Variants in ZNF236 observed in about 807,000 individuals in gnomAD.
ZNF236 encodes zinc finger protein 236.
A neutral mutation model predicts 191.2 loss-of-function variants in ZNF236; 50 were observed. That is an observed-to-expected ratio of 0.26 (90% confidence interval 0.21 to 0.33). The LOEUF is 0.33. ZNF236 is among the 10% of genes least tolerant of loss of function. The probability of loss-of-function intolerance (pLI) is 1.00; values close to 1 mark genes in which losing one functional copy is unlikely to be tolerated. For synonymous variants in ZNF236, 907 were observed against 928.8 expected (o/e 0.98, Z 0.43); for missense variants, 1,754 against 2,374.5 (o/e 0.74, Z 5.43).
chr18:76,851,151 A>C (rs1047171617), intron 2 of ZNF236, among the ~76,000 whole-genome samples: 1 of 143,328 alleles, frequency 7.0e-6, no homozygotes, highest in African/African-American at 2.5e-5. Flanking sequence ...TTCTTTCTCT[A>C]TGTGTTCATT....
chr18:76,961,949 G>A (rs55633707), intron 30 of ZNF236, among the ~76,000 whole-genome samples: 5,884 of 151,968 alleles, frequency 0.039, 175 homozygotes, highest in South Asian at 0.12. Context: ...GTTTGAATTC[G>A]TTGTAGATTC....
At chr18:76,904,665 TAATA>T in intron 12 of ZNF236, 144 bp downstream of exon 12, 1 of 668,460 alleles carries the variant, frequency 1.5e-6, no homozygotes, top group East Asian at 3.4e-5. Flanking sequence ...TATTGGTAAT[TAATA>T]TTTTTATTCT....
chr18:76,915,951 C>A, intron 19 of ZNF236, 92 bp downstream of exon 19: 1 of 1,221,994 alleles, frequency 8.2e-7, no homozygotes. Flanking sequence ...TTTGACGTGG[C>A]TATATATAGA....
In ZNF236 at chr18:76,968,191, G is replaced by T. The variant is rs561883826; in HGVS notation, c.5420-24G>T. On this transcript the variant is annotated intron_variant, in intron 30 of 30. Coordinates refer to ENST00000320610, the MANE Select transcript of ZNF236 (RefSeq NM_001306089.2). ...TGCTCTGGAAGGTCTGAGGCTGCTTGTGTTTTCTTTGTCTGCATAACAGGA... is the reference window on the plus strand; with the variant it reads ...TGCTCTGGAAGGTCTGAGGCTGCTTTTGTTTTCTTTGTCTGCATAACAGGA... The T allele has an allele frequency of 4.3e-6, 7 of 1,613,628 alleles. No homozygotes were observed. In the South Asian group the frequency reaches 7.7e-5, roughly 18 times the overall value.
chr18:76,847,528 C>T (rs954724177), intron 1 of ZNF236, among the ~76,000 whole-genome samples: 2 of 151,970 alleles, frequency 1.3e-5, no homozygotes, highest in East Asian at 1.9e-4. Context: ...TGCAGTGGCG[C>T]GATCTCAGCT....
chr18:76,877,381 G>A (rs1385763276), intron 6 of ZNF236, among the ~76,000 whole-genome samples: 2 of 151,940 alleles, frequency 1.3e-5, no homozygotes, highest in East Asian at 1.9e-4. Flanking sequence ...GATGGCAGGC[G>A]CCTGTAATCC....
At chr18:76,926,164 A>G (rs1317767244) in intron 22 of ZNF236, among the ~76,000 whole-genome samples, 1 of 152,236 alleles carries the variant, frequency 6.6e-6, no homozygotes, top group Non-Finnish European at 1.5e-5. Context: ...AGTGGGCAAT[A>G]TGAGTATCCA....
In ZNF236 at chr18:76,910,675, A is replaced by G; in HGVS notation, c.2669A>G (p.Asp890Gly). 1 of 1,614,156 alleles carries G rather than the reference A, an allele frequency of 6.2e-7. No individual in the cohort carries two copies. The highest frequency in any genetic ancestry group is 1.1e-5 in the South Asian group (1 of 91,082). The change falls in exon 16 of 31, where the codon GAT (aspartate) becomes GGT (glycine). Residue 890 changes from aspartate to glycine, a missense_variant. Around this residue, in one of 5 missense-constraint regions of ZNF236, gnomAD observed 641 missense variants for 869.6 expected, o/e 0.74. Transcript: ENST00000320610. ...TTTATTTTAGGTTTTACAGTGACTG[A>G]TACGTACCATCAGCAGCCTCAGTTT... ...AGLPQGFTVT[D>G]TYHQQPQFPP...
intron 30 of ZNF236, among the ~76,000 whole-genome samples, chr18:76,962,534 A>G (rs1568250030): frequency 6.6e-6 from 1 of 152,172 alleles, no homozygotes; most frequent in Non-Finnish European, 1.5e-5. Context: ...TACTTTGGCT[A>G]TGTGAGCTCT....
At chr18:76,905,510 C>A in intron 13 of ZNF236, 95 bp downstream of exon 13, 2 of 1,091,308 alleles carry the variant, frequency 1.8e-6, no homozygotes, top group Non-Finnish European at 2.5e-6. Context: ...TTGATTCTTA[C>A]ATTATTATTT....
intron 3 of ZNF236, among the ~76,000 whole-genome samples, chr18:76,858,209 C>T (rs1011575559): frequency 1.3e-5 from 2 of 152,088 alleles, no homozygotes; most frequent in African/African-American, 2.4e-5. Context: ...ATCATTTATT[C>T]GTTTTCATAG....
intron 10 of ZNF236, among the ~76,000 whole-genome samples, chr18:76,895,667 A>G (rs112873681): frequency 6.6e-6 from 1 of 151,672 alleles, no homozygotes; most frequent in South Asian, 2.1e-4. Context: ...AGTACTGCCC[A>G]CAGGGACTGC....
chr18:76,871,507 A>T (rs1442537553), intron 4 of ZNF236, among the ~76,000 whole-genome samples, 194 bp from the exon 5 acceptor site: 1 of 152,224 alleles, frequency 6.6e-6, no homozygotes, highest in East Asian at 1.9e-4. Context: ...TTCATCAAAA[A>T]TAGAGAAAAA....
chr18:76,826,343 C>T (rs141044117), intron 1 of ZNF236, among the ~76,000 whole-genome samples: 2,970 of 143,196 alleles, frequency 0.021, 52 homozygotes, highest in Non-Finnish European at 0.031. Context: ...AGGCTGGTCT[C>T]GAACTCCTGA....
intron 3 of ZNF236, 92 bp from the exon 4 acceptor site, chr18:76,868,593 T>G: frequency 9.2e-7 from 1 of 1,082,080 alleles, no homozygotes; most frequent in Non-Finnish European, 1.3e-6. Context: ...TAGTTTTCAT[T>G]TAATTTGTGT....
At chr18:76,928,161 A>G (rs1327182520) in intron 25 of ZNF236, 55 bp downstream of exon 25, 1 of 1,384,506 alleles carries the variant, frequency 7.2e-7, no homozygotes, top group Non-Finnish European at 9.8e-7. Context: ...AGTACTGTAT[A>G]TCTTACTATC....
intron 4 of ZNF236, among the ~76,000 whole-genome samples, chr18:76,870,383 A>G (rs1029961823): frequency 2.6e-5 from 4 of 152,162 alleles, no homozygotes; most frequent in East Asian, 1.9e-4. Flanking sequence ...TGAGGCTTTA[A>G]TGCAGGCATT....
chr18:76,959,928 TA>T (rs1159181557), intron 29 of ZNF236, 112 bp downstream of exon 29: 2 of 1,280,426 alleles, frequency 1.6e-6, no homozygotes, highest in African/African-American at 3.0e-5. Context: ...GCTTTATTTA[TA>T]AAGCAAGGTC....
chr18:76,960,312 CTGTACATGATAGCTCG>C lies in ZNF236; in HGVS notation c.5243-363_5243-348del, dbSNP rs1217258428. 1.3e-5 allele frequency among the ~76,000 whole-genome samples: 2 copies of C among 152,248 alleles called. No homozygotes were observed. Among genetic ancestry groups the C allele is most frequent in the Non-Finnish European group, 2.9e-5 (2 of 68,048 alleles). The stretch of plus-strand genomic sequence containing the variant: ...AGCTCTTCCATCTTCTGCCTCTTGA[CTGTACATGATAGCTCG>C]TGTCAGCCCTTCCGTCTCCGCCCTG... On this transcript the variant is annotated intron_variant, in intron 29 of 30. Coordinates refer to ENST00000320610, the MANE Select transcript of ZNF236 (RefSeq NM_001306089.2). This position sits in a 1 kb window ranked among gnomAD's most constrained non-coding sequence, Gnocchi z 4.4.
Sources: gnomAD v4.1 joint callset for allele counts (sites outside exome capture counted in the v4.1 genomes callset) on GRCh38, gnomAD v4.1.1 for gene constraint, gnomAD v4.1.1 regional missense constraint, Gnocchi (gnomAD v3.1) non-coding constraint, MANE v1.5 for transcripts, NCBI Gene and HGNC (gene_info 2026-07-23, HGNC 2026-07-21) for gene names.